NOC4L: variants seen among roughly 807,000 people sequenced by gnomAD.
NOC4L encodes nucleolar complex protein 4 homolog.
NOC4L carries 40 observed loss-of-function variants against 62.8 expected under a neutral mutation model. The ratio of observed to expected loss-of-function variants is 0.64; its 90% CI spans 0.49 to 0.83. NOC4L has a LOEUF of 0.83. Among genes scored for constraint, NOC4L ranks in the 40% least tolerant of loss-of-function variants. The probability of loss-of-function intolerance (pLI) is 0.00; values close to 1 mark genes in which losing one functional copy is unlikely to be tolerated. For missense variants in NOC4L, 927 were observed against 701.9 expected, an observed-to-expected ratio of 1.32 and a Z score of -3.62; for synonymous variants, 433 against 299.8, an observed-to-expected ratio of 1.44 and a Z score of -4.59.
At chr12:132,146,357 C>T (rs1159900081) in intron 3 of NOC4L, 1 of 455,464 alleles carries the variant, frequency 2.2e-6, no homozygotes, top group Admixed American at 2.3e-5. Flanking sequence ...ACGTATCGTT[C>T]AGCCGCTCGT....
At position 132,147,997 on chromosome 12, in the gene NOC4L, CAG is replaced by C. The variant is rs779479292; in HGVS notation, c.703+19_703+20del. ...GCGGGCGGGTGAGTGTGCTGAGAGT[CAG>C]GGGCGGACAGGGCTGAGCCTTGGTC... On this transcript the variant is annotated intron_variant, in intron 6 of 14. Transcript: ENST00000330579. 1.4e-5 allele frequency: 23 copies of C among 1,612,268 alleles called. No individual in the cohort carries two copies. Among genetic ancestry groups the C allele is most frequent in the African/African-American group, 1.1e-4 (8 of 75,026 alleles).
At chr12:132,151,162 T>A in intron 10 of NOC4L, 96 bp from the exon 11 acceptor site, 1 of 1,423,326 alleles carries the variant, frequency 7.0e-7, no homozygotes, top group South Asian at 1.2e-5. Context: ...TTGGAGTCCC[T>A]GGGCGGGAGG....
Position 132,144,874 on chromosome 12 carries a change from C to T in NOC4L, c.138C>T (p.Ile46=), listed in dbSNP as rs1055869650. ...TGCAGTCTGAGGACCAGGAGGAGATCCAGGAAGCAGTCCGCACGTGCAGCC... is the reference window on the plus strand; with the variant it reads ...TGCAGTCTGAGGACCAGGAGGAGATTCAGGAAGCAGTCCGCACGTGCAGCC... ...AVLQSEDQEE[I]QEAVRTCSRL... is the part of the protein sequence containing the mutation. Residue 46 remains isoleucine (I), a synonymous_variant, in exon 2 of 15, where the codon ATC becomes ATT. Transcript: ENST00000330579. The T allele has an allele frequency of 4.4e-6, 7 of 1,601,934 alleles. No homozygotes were observed. The highest frequency in any genetic ancestry group is 5.1e-6 in the Non-Finnish European group (6 of 1,175,924).
intron 2 of NOC4L, 24 bp downstream of exon 2, chr12:132,144,998 C>T: frequency 6.4e-7 from 1 of 1,571,620 alleles, no homozygotes. Context: ...GGCCCCGGGG[C>T]TGCTCTTCTC....
In NOC4L at chr12:132,152,362, GC is replaced by G. The variant is rs1565962640; in HGVS notation, c.1514del (p.Pro505ArgfsTer29). On this transcript the variant is annotated frameshift_variant, in exon 15 of 15. Transcript: ENST00000330579. LOFTEE classifies it high-confidence loss of function. ...FIPAQGLLGR[P>X]GELCAQHFTL... ...TCCCAGCCCAGGGCCTGCTGGGACGGCCGGGTGAACTCTGTGCCCAGCACTT... is the reference window on the plus strand; with the variant it reads ...TCCCAGCCCAGGGCCTGCTGGGACGGCGGGTGAACTCTGTGCCCAGCACTT... 1 of 1,575,060 alleles carries G rather than the reference GC, an allele frequency of 6.3e-7. No homozygotes were observed. The highest frequency in any genetic ancestry group is 1.8e-5 in the Admixed American group (1 of 56,288).
At position 132,147,948 on chromosome 12, in the gene NOC4L, C is replaced by T. The variant is rs766224169; in HGVS notation, c.672C>T (p.Pro224=). The T allele has an allele frequency of 1.9e-6, 3 of 1,608,814 alleles. No individual in the cohort carries two copies. The highest frequency in any genetic ancestry group is 1.1e-5 in the South Asian group (1 of 90,556). Residue 224 remains proline (P), a synonymous_variant, in exon 6 of 15, where the codon CCC becomes CCT. Transcript: ENST00000330579. The part of the protein sequence containing the change: ...LSAVSLPRRE[P]TVSSFYVKRA... ...CCGTGAGCCTGCCCCGCCGGGAGCC[C>T]ACCGTCTCCAGCTTCTATGTGAAGC...
chr12:132,147,950 C>G lies in NOC4L; in HGVS notation c.674C>G (p.Thr225Ser), dbSNP rs145983450. Reference protein sequence around the residue: ...SAVSLPRREPTVSSFYVKRAE... With the variant: ...SAVSLPRREPSVSSFYVKRAE... ...GTGAGCCTGCCCCGCCGGGAGCCCA[C>G]CGTCTCCAGCTTCTATGTGAAGCGG... The change falls in exon 6 of 15, where the codon ACC becomes AGC. Residue 225 changes from threonine (T) to serine (S), a missense_variant. By Grantham distance (58) the Thr-to-Ser change is moderately conservative (BLOSUM62 1). Coordinates refer to ENST00000330579, the MANE Select transcript of NOC4L (RefSeq NM_024078.3). 151 of 1,609,064 alleles carry G rather than the reference C, an allele frequency of 9.4e-5. 1 individual carries two copies. The African/African-American group carries it at 1.9e-3, about 20-fold the overall frequency.
chr12:132,151,342 C>G lies in NOC4L; in HGVS notation c.1047C>G (p.His349Gln), dbSNP rs545671829. Residue 349 changes from histidine (H) to glutamine (Q), a missense_variant, in exon 11 of 15, where the codon CAC (histidine) becomes CAG (glutamine). Coordinates refer to ENST00000330579, the MANE Select transcript of NOC4L (RefSeq NM_024078.3). The stretch of plus-strand genomic sequence containing the variant: ...TCAAGTACCGCGCCCGCTTCTTCCA[C>G]CTGGCTGACCTCTTCCTGTCCTCCT... ...FHVKYRARFF[H>Q]LADLFLSSSH... 4 of 1,610,922 alleles carry G rather than the reference C, an allele frequency of 2.5e-6. No homozygotes were observed. The highest frequency in any genetic ancestry group is 3.4e-6 in the Non-Finnish European group (4 of 1,179,952).
chr12:132,147,234 C>T (rs1244641240), intron 3 of NOC4L, 47 bp from the exon 4 acceptor site: 1 of 1,374,404 alleles, frequency 7.3e-7, no homozygotes, highest in Non-Finnish European at 9.7e-7. Flanking sequence ...CTGGGCCCAT[C>T]CGTGGGGTGA....
Position 132,151,315 on chromosome 12 carries a change from C to G in NOC4L, c.1020C>G (p.His340Gln), listed in dbSNP as rs190283462. 4 of 1,611,738 alleles carry G rather than the reference C, an allele frequency of 2.5e-6. No homozygotes were observed. The highest frequency in any genetic ancestry group is 2.5e-6 in the Non-Finnish European group (3 of 1,179,972). The change falls in exon 11 of 15, where the codon CAC becomes CAG. Residue 340 changes from histidine to glutamine, a missense_variant. Physicochemically the swap from His to Gln is conservative, Grantham distance 24. Coordinates refer to ENST00000330579, the MANE Select transcript of NOC4L (RefSeq NM_024078.3). ...GCCTCTTGGACCCCTCTGTCTTTCA[C>G]GTCAAGTACCGCGCCCGCTTCTTCC... ...LYGLLDPSVFHVKYRARFFHL... is the reference protein window; with the variant it reads ...LYGLLDPSVFQVKYRARFFHL...
chr12:132,144,577 C>T lies in NOC4L; in HGVS notation c.89C>T (p.Ala30Val). 1 of 1,523,674 alleles carries T rather than the reference C, an allele frequency of 6.6e-7. No homozygotes were observed. Among genetic ancestry groups the T allele is most frequent in the Non-Finnish European group, 8.8e-7 (1 of 1,142,500 alleles). 94.4% of individuals were successfully genotyped at this position (1,523,674 alleles called of 1,614,324 possible). A position where few individuals can be genotyped will look rare whatever the true frequency, so the allele number is the denominator to read the frequency against. ...CTGGCGAGCCGCAGTGAGGCCAACG[C>T]CGTGTTCGACATCCTGGCCGTGCTG... ...AVLASRSEAN[A>V]VFDILAVLQS... The change falls in exon 1 of 15, where the codon GCC becomes GTC. Residue 30 changes from alanine to valine, a missense_variant. Physicochemically the swap from Ala to Val is moderately conservative, Grantham distance 64. Coordinates refer to ENST00000330579, the MANE Select transcript of NOC4L (RefSeq NM_024078.3).
At chr12:132,148,723 A>AAC in intron 8 of NOC4L, 61 bp from the exon 9 acceptor site, 1 of 1,262,322 alleles carries the variant, frequency 7.9e-7, no homozygotes. Context: ...CGGAGGCCTC[A>AAC]CCCCGACCCG....
Position 132,148,841 on chromosome 12 carries a change from C to T in NOC4L, c.847C>T (p.Gln283Ter). ...GATTGTGCATGACGCCATCCTGCCGCAGCTGGCGCAGCCCACGCTCATGAT... is the reference window on the plus strand; with the variant it reads ...GATTGTGCATGACGCCATCCTGCCGTAGCTGGCGCAGCCCACGCTCATGAT... Reference protein sequence around the residue: ...LLIVHDAILPQLAQPTLMIDF... With the variant: ...LLIVHDAILP Residue 283 changes from glutamine to a stop codon, truncating the protein, a stop_gained, in exon 9 of 15, where the codon CAG (glutamine) becomes TAG (stop). Transcript: ENST00000330579. LOFTEE classifies it high-confidence loss of function. The T allele has an allele frequency of 6.2e-7, 1 of 1,603,176 alleles. No individual in the cohort carries two copies. Among genetic ancestry groups the T allele is most frequent in the Non-Finnish European group, 8.5e-7 (1 of 1,178,722 alleles).
chr12:132,150,831 G>C (rs1043190275), intron 9 of NOC4L, 150 bp from the exon 10 acceptor site: 3 of 652,126 alleles, frequency 4.6e-6, no homozygotes, highest in Middle Eastern at 8.1e-4. Context: ...CCCCTGCCCT[G>C]CATGTGGTCT....
At chr12:132,148,519 C>G in intron 7 of NOC4L, 90 bp from the exon 8 acceptor site, 1 of 1,419,998 alleles carries the variant, frequency 7.0e-7, no homozygotes, top group Non-Finnish European at 9.7e-7. Flanking sequence ...CTTGTGTTGG[C>G]TCAGGCTGGG....
At chr12:132,151,902 C>T (rs1032590429) in intron 13 of NOC4L, 82 bp downstream of exon 13, 36 of 1,413,504 alleles carry the variant, frequency 2.5e-5, no homozygotes, top group Admixed American at 3.9e-5. Context: ...GTGCCACCTC[C>T]CGCATAGCCT....
chr12:132,144,775 G>T, intron 1 of NOC4L, 79 bp from the exon 2 acceptor site: 1 of 1,530,242 alleles, frequency 6.5e-7, no homozygotes, highest in Non-Finnish European at 8.8e-7. Flanking sequence ...GAGGGGGAAG[G>T]GAACGGGTTG....
chr12:132,145,395 T>C (rs1257052888), intron 2 of NOC4L, among the ~76,000 whole-genome samples, 164 bp from the exon 3 acceptor site: 3 of 152,268 alleles, frequency 2.0e-5, no homozygotes, highest in East Asian at 1.9e-4. Context: ...GCTCAGGGAA[T>C]GTGCTGGTCT....
chr12:132,150,997 C>A lies in NOC4L; in HGVS notation c.918C>A (p.Leu306=), dbSNP rs774480011. The stretch of plus-strand genomic sequence containing the variant: ...TGTCTGCAGGGGGGGCCCTCAGCCT[C>A]TTGGCCTTGAACGGGCTGTTCATCT... ...RACDLGGALS[L]LALNGLFILI... Residue 306 remains leucine, a synonymous_variant, in exon 10 of 15, where the codon CTC becomes CTA. Coordinates refer to ENST00000330579, the MANE Select transcript of NOC4L (RefSeq NM_024078.3). The A allele has an allele frequency of 6.2e-7, 1 of 1,610,618 alleles. No individual in the cohort carries two copies. The highest frequency in any genetic ancestry group is 2.2e-5 in the East Asian group (1 of 44,886).
Sources: allele counts gnomAD v4.1 joint callset (sites outside exome capture counted in the v4.1 genomes callset), GRCh38; gene constraint gnomAD v4.1.1; transcripts MANE v1.5; gene names NCBI Gene and HGNC (gene_info 2026-07-23, HGNC 2026-07-21).